ZAN: variants seen among roughly 807,000 people sequenced by gnomAD.
ZAN encodes zonadhesin (gene/pseudogene).
In ZAN, 260 loss-of-function variants were observed where a neutral mutation model predicts 286.2. The observed-to-expected ratio is 0.91, with a 90% CI of 0.82 to 1.01. The LOEUF (loss-of-function observed/expected upper bound fraction) is 1.01. ZAN is among the 50% of genes least tolerant of loss of function. The pLI, the probability that ZAN is intolerant of heterozygous loss-of-function variation, is 0.00. For missense variants in ZAN, 3,410 were observed against 3,639.2 expected (o/e 0.94, Z 1.62); for synonymous variants, 1,368 against 1,417.5 (o/e 0.97, Z 0.79).
intron 8 of ZAN, 40 bp downstream of exon 8, chr7:100,746,742 C>G: frequency 6.2e-7 from 1 of 1,603,188 alleles, no homozygotes; most frequent in Non-Finnish European, 8.5e-7. Flanking sequence ...CTGATCTGGG[C>G]GCATCTCCCA....
chr7:100,791,707 C>G (rs1320709454), intron 40 of ZAN, among the ~76,000 whole-genome samples: 3 of 151,864 alleles, frequency 2.0e-5, no homozygotes, highest in African/African-American at 7.3e-5. Context: ...ACACCCAGCC[C>G]CAGTAGTTCT....
In ZAN at chr7:100,766,640, A is replaced by T; in HGVS notation, c.4586A>T (p.Asp1529Val). ...CRAQEFCGQQDGIYGCHAQGA... is the reference protein window; with the variant it reads ...CRAQEFCGQQVGIYGCHAQGA... ...GCCCAGGAGTTCTGTGGCCAACAGG[A>T]TGGTATCTATGGCTGCCATGCCCAA... Residue 1529 changes from aspartate to valine, a missense_variant, in exon 24 of 48, where the codon GAT (aspartate) becomes GTT (valine). Around this residue, in one of 7 missense-constraint regions of ZAN, gnomAD observed 1,042 missense variants for 1,058.0 expected, o/e 0.98. Coordinates refer to ENST00000613979, the MANE Select transcript of ZAN (RefSeq NM_003386.3). 1 of 1,566,194 alleles carries T rather than the reference A, an allele frequency of 6.4e-7. No homozygotes were observed. Among genetic ancestry groups the T allele is most frequent in the East Asian group, 2.4e-5 (1 of 42,094 alleles).
chr7:100,793,468 C>A (rs577614263), intron 42 of ZAN, among the ~76,000 whole-genome samples: 1 of 152,076 alleles, frequency 6.6e-6, no homozygotes, highest in Non-Finnish European at 1.5e-5. Flanking sequence ...AGACAGAGTT[C>A]GCTTTTTGTT....
chr7:100,781,652 CTTTTTTTTTT>C (rs5886134), intron 35 of ZAN, among the ~76,000 whole-genome samples: 34 of 128,266 alleles, frequency 2.7e-4, no homozygotes, highest in African/African-American at 9.5e-4. Flanking sequence ...CATTGCTATA[CTTTTTTTTTT>C]TTTTTTTTGA....
intron 17 of ZAN, among the ~76,000 whole-genome samples, chr7:100,759,483 C>G (rs1809385888): frequency 6.6e-6 from 1 of 152,176 alleles, no homozygotes; most frequent in East Asian, 1.9e-4. Flanking sequence ...TTAGGGAGCA[C>G]AGACGCCCTG....
rs763870641 is a variant in ZAN at position 100,736,824 on chromosome 7, A to T, written c.269A>T (p.His90Leu). Residue 90 changes from histidine to leucine, a missense_variant, in exon 5 of 48, where the codon CAT becomes CTT. By Grantham distance (99) the His-to-Leu change is moderately conservative. Coordinates refer to ENST00000613979, the MANE Select transcript of ZAN (RefSeq NM_003386.3). The stretch of plus-strand genomic sequence containing the variant: ...CCTCCCCCAGAGGGCAGCTATCTGC[A>T]TATGGAATCGAACAGCTTCCACCGT... ...GYPNGEGSYL[H>L]MESNSFHRGG... 3.4e-6 allele frequency: 5 copies of T among 1,479,644 alleles called. 1 individual carries two copies. The highest frequency in any genetic ancestry group is 4.6e-6 in the Non-Finnish European group (5 of 1,085,852). 91.7% of individuals were successfully genotyped at this position (1,479,644 alleles called of 1,614,324 possible). A position where few individuals can be genotyped will look rare whatever the true frequency, so the allele number is the denominator to read the frequency against.
intron 19 of ZAN, 83 bp downstream of exon 19, chr7:100,760,619 C>G: frequency 6.5e-7 from 1 of 1,541,414 alleles, no homozygotes; most frequent in South Asian, 1.2e-5. Flanking sequence ...GCCCACCCTG[C>G]CCACTCCCCT....
chr7:100,739,846 C>CG lies in ZAN; in HGVS notation c.766+1237dup, dbSNP rs1274413521. Among the ~76,000 whole-genome samples the CG allele has an allele frequency of 2.2e-5, 3 of 138,508 alleles. 1 individual carries two copies. Among genetic ancestry groups the CG allele is most frequent in the Non-Finnish European group, 4.8e-5 (3 of 62,054 alleles). 90.9% of individuals were successfully genotyped at this position (138,508 alleles called of 152,430 possible). ...CTAATTTTTGTGTTTTTAGTAGAGA[C>CG]GGGGTTTCACCACGTTGGCCAGGCT... On this transcript the variant is annotated intron_variant, in intron 7 of 47. Coordinates refer to ENST00000613979, the MANE Select transcript of ZAN (RefSeq NM_003386.3).
chr7:100,795,923 A>G (rs867253314), intron 45 of ZAN, among the ~76,000 whole-genome samples: 2 of 150,828 alleles, frequency 1.3e-5, no homozygotes, highest in Admixed American at 1.3e-4. Flanking sequence ...ATAAAAAAAT[A>G]AAAAAAAATT....
chr7:100,762,286 T>C lies in ZAN; in HGVS notation c.3914T>C (p.Leu1305Ser), dbSNP rs772887350. 1.9e-6 allele frequency: 3 copies of C among 1,613,714 alleles called. No homozygotes were observed. In the South Asian group the frequency reaches 3.3e-5, roughly 18 times the overall value. ...AACAGTGACAATGACCACCTGAAGT[T>C]GGACGGCAGCCCAGCAGGAGACAAG... ...DGNSDNDHLK[L>S]DGSPAGDKEE... The change falls in exon 20 of 48, where the codon TTG becomes TCG. Residue 1305 changes from leucine to serine, a missense_variant. By Grantham distance (145) the Leu-to-Ser change is moderately radical. Transcript: ENST00000613979.
chr7:100,784,631 T>G lies in ZAN; in HGVS notation c.6631T>G (p.Cys2211Gly), dbSNP rs768524099. ...GTCTCCTTCACCCACAGCTCTGGAATGCCCTGCCTACAGCAGCTACACCAA... is the reference window on the plus strand; with the variant it reads ...GTCTCCTTCACCCACAGCTCTGGAAGGCCCTGCCTACAGCAGCTACACCAA... ...WRNSSFCPLE[C>G]PAYSSYTNCL... The change falls in exon 36 of 48, where the codon TGC becomes GGC. Residue 2211 changes from cysteine to glycine, a missense_variant. Cys to Gly is a radical substitution (Grantham distance 159, BLOSUM62 -3). This residue lies in a region of ZAN where 1,289 missense variants were observed against 1,314.3 expected (regional missense o/e 0.98). Transcript: ENST00000613979. The G allele has an allele frequency of 1.9e-6, 3 of 1,613,808 alleles. No homozygotes were observed. The East Asian group carries it at 6.7e-5, about 36-fold the overall frequency.
chr7:100,737,037 T>A lies in ZAN; in HGVS notation c.482T>A (p.Leu161His). 1.3e-6 allele frequency: 2 copies of A among 1,498,572 alleles called. No individual in the cohort carries two copies. Among genetic ancestry groups the A allele is most frequent in the Non-Finnish European group, 1.8e-6 (2 of 1,095,670 alleles). 92.8% of individuals were successfully genotyped at this position (1,498,572 alleles called of 1,614,324 possible). A position where few individuals can be genotyped will look rare whatever the true frequency, so the allele number is the denominator to read the frequency against. ...AACACCCAGAGACCCTCCTGGATGC[T>A]CACCACCGTCACTGTGCCCGCAGGG... ...HWNTQRPSWM[L>H]TTVTVPAGFT... is the part of the protein sequence containing the mutation. The change falls in exon 5 of 48, where the codon CTC becomes CAC. Residue 161 changes from leucine to histidine, a missense_variant. Leu to His is a moderately conservative substitution (Grantham distance 99). Transcript: ENST00000613979.
At chr7:100,761,976 A>G (rs1809611558) in intron 19 of ZAN, among the ~76,000 whole-genome samples, 1 of 151,742 alleles carries the variant, frequency 6.6e-6, no homozygotes, top group Non-Finnish European at 1.5e-5. Flanking sequence ...AAATAAATAA[A>G]TAAATAAATA....
At chr7:100,742,131 G>T (rs1456832691) in intron 7 of ZAN, among the ~76,000 whole-genome samples, 1 of 44,706 alleles carries the variant, frequency 2.2e-5, no homozygotes, top group Non-Finnish European at 4.5e-5. Flanking sequence ...CCAGGCAGAG[G>T]GTCTCCTCAC....
Position 100,750,689 on chromosome 7 carries a change from G to C in ZAN, c.1314G>C (p.Val438=), listed in dbSNP as rs1394565351. The part of the protein sequence containing the change: ...FSQAGQSVRL[V]SRPFCAPGDI... ...AGGCAGGCCAGTCAGTCAGACTGGTGAGCCGGCCCTTCTGCGCCCCAGGTG... is the reference window on the plus strand; with the variant it reads ...AGGCAGGCCAGTCAGTCAGACTGGTCAGCCGGCCCTTCTGCGCCCCAGGTG... Residue 438 remains valine (V), a synonymous_variant, in exon 12 of 48, where the codon GTG becomes GTC. Transcript: ENST00000613979. The C allele has an allele frequency of 3.1e-6, 5 of 1,613,366 alleles. No homozygotes were observed. The South Asian group carries it at 5.5e-5, about 18-fold the overall frequency.
In ZAN at chr7:100,752,677, A is replaced by G. The variant is rs775855716; in HGVS notation, c.2572A>G (p.Thr858Ala). Reference protein sequence around the residue: ...EKPTISTEKPTIPTEKPTISP... With the variant: ...EKPTISTEKPAIPTEKPTISP... ...ACCCACCATCTCCACAGAAAAACCCACCATCCCCACAGAAAAACCCACCAT... is the reference window on the plus strand; with the variant it reads ...ACCCACCATCTCCACAGAAAAACCCGCCATCCCCACAGAAAAACCCACCAT... Residue 858 changes from threonine to alanine, a missense_variant, in exon 14 of 48, where the codon ACC (threonine) becomes GCC (alanine). Thr to Ala is a moderately conservative substitution (Grantham distance 58). Around this residue, in one of 7 missense-constraint regions of ZAN, gnomAD observed 51 missense variants for 105.2 expected, o/e 0.48. Transcript: ENST00000613979. 2.5e-6 allele frequency: 4 copies of G among 1,591,498 alleles called. No individual in the cohort carries two copies. In the Admixed American group the frequency reaches 6.8e-5, roughly 27 times the overall value.
At chr7:100,746,248 A>G (rs2115736243) in intron 7 of ZAN, among the ~76,000 whole-genome samples, 1 of 152,240 alleles carries the variant, frequency 6.6e-6, no homozygotes, top group East Asian at 1.9e-4. Flanking sequence ...AAACAAAAAC[A>G]AAACAACAAC....
intron 36 of ZAN, 146 bp from the exon 37 acceptor site, chr7:100,785,851 G>C (rs1282881344): frequency 2.1e-5 from 22 of 1,049,740 alleles, no homozygotes; most frequent in Non-Finnish European, 3.0e-5. Flanking sequence ...TAGAGACAGG[G>C]TTTCACCATG....
chr7:100,745,633 C>T (rs1286576129), intron 7 of ZAN, among the ~76,000 whole-genome samples: 3 of 152,088 alleles, frequency 2.0e-5, no homozygotes, highest in Non-Finnish European at 4.4e-5. Context: ...AGCCTGTAAT[C>T]CCAGCACTTT....
Sources: allele counts gnomAD v4.1 joint callset (sites outside exome capture counted in the v4.1 genomes callset), GRCh38; gene constraint gnomAD v4.1.1; regional missense constraint gnomAD v4.1.1; transcripts MANE v1.5; gene names NCBI Gene and HGNC (gene_info 2026-07-23, HGNC 2026-07-21).